POU6F2: variants seen among roughly 807,000 people sequenced by gnomAD.
The protein encoded by POU6F2 is POU class 6 homeobox 2.
POU6F2 carries 31 observed loss-of-function variants against 71.3 expected under a neutral mutation model. That is an observed-to-expected ratio of 0.43 (90% CI 0.33 to 0.59). POU6F2 has a LOEUF of 0.59. Ranked by LOEUF, POU6F2 falls within the 20% of genes least tolerant of loss-of-function variation. The pLI, the probability that POU6F2 is intolerant of heterozygous loss-of-function variation, is 0.04. For synonymous variants in POU6F2, 347 were observed against 355.7 expected (o/e 0.98, Z 0.27); for missense variants, 783 against 856.8 (o/e 0.91, Z 1.07).
intron 6 of POU6F2, among the ~76,000 whole-genome samples, chr7:39,410,578 A>C (rs868332819): frequency 6.6e-6 from 1 of 152,182 alleles, no homozygotes; most frequent in East Asian, 1.9e-4. Context: ...AGGTTGGCCC[A>C]TAACTGGCTC....
chr7:39,424,769 C>G (rs1024213923), intron 6 of POU6F2, among the ~76,000 whole-genome samples: 6 of 151,808 alleles, frequency 4.0e-5, no homozygotes, highest in Non-Finnish European at 8.8e-5. Flanking sequence ...ATATGTAACC[C>G]CAGATACTAT....
At chr7:39,075,744 A>G (rs747624098) in intron 1 of POU6F2, among the ~76,000 whole-genome samples, 10 of 152,214 alleles carry the variant, frequency 6.6e-5, no homozygotes, top group Non-Finnish European at 1.0e-4. Context: ...CAGCTGAACA[A>G]GGAGACAGAG....
intron 2 of POU6F2, among the ~76,000 whole-genome samples, chr7:39,116,281 A>G (rs1329906296): frequency 1.3e-5 from 2 of 152,132 alleles, no homozygotes; most frequent in Non-Finnish European, 2.9e-5. Flanking sequence ...ACTGCTCAGG[A>G]GACTGAGGTG....
rs147770829 is a variant in POU6F2 at position 39,112,273 on chromosome 7, C to G, written c.277+26242C>G. Among the ~76,000 whole-genome samples, 716 of 152,236 alleles carry G rather than the reference C, an allele frequency of 4.7e-3. 4 individuals are homozygous for G. Among genetic ancestry groups the G allele is most frequent in the South Asian group, 0.018 (85 of 4,818 alleles). ...ATATGATACAGGTAACTTAAAAGTA[C>G]TACTTTTAAGTGAGCGAATTCAGGT... is the stretch of plus-strand genomic sequence containing the variant. On this transcript the variant is annotated intron_variant, in intron 2 of 9. Transcript: ENST00000518318.
In POU6F2 at chr7:39,339,780, A is replaced by C. The variant is rs1457902515; in HGVS notation, c.737A>C (p.Gln246Pro). ...PAPQAPSQSQ[Q>P]QPLQPTPPQQ... Reference sequence around the variant, plus strand: ...CCACAGGCGCCCTCGCAGTCCCAGCAGCAGCCGCTGCAGCCCACCCCACCC... The same window carrying C: ...CCACAGGCGCCCTCGCAGTCCCAGCCGCAGCCGCTGCAGCCCACCCCACCC... Residue 246 changes from glutamine to proline, a missense_variant, in exon 5 of 10, where the codon CAG becomes CCG. Gln to Pro is a moderately conservative substitution (Grantham distance 76, BLOSUM62 -1). Transcript: ENST00000518318. The C allele has an allele frequency of 1.1e-5, 17 of 1,577,040 alleles. No individual in the cohort carries two copies.
chr7:39,388,338 CAG>C (rs1786991406), intron 5 of POU6F2, among the ~76,000 whole-genome samples: 1 of 151,526 alleles, frequency 6.6e-6, no homozygotes, highest in Admixed American at 6.6e-5. Context: ...TTTTTTGAGT[CAG>C]AGTCTCACTC....
In POU6F2 at chr7:39,352,478, G is replaced by T. The variant is rs140070479; in HGVS notation, c.972+12463G>T. On this transcript the variant is annotated intron_variant, in intron 5 of 9. Coordinates refer to ENST00000518318, the MANE Select transcript of POU6F2 (RefSeq NM_001370959.1). ...GATACATGCAAAACAGTAACAAAAT[G>T]ATCCTTAAAATGTAGAGGCCATACA... Among the ~76,000 whole-genome samples, 635 of 152,268 alleles carry T rather than the reference G, an allele frequency of 4.2e-3. 4 individuals carry two copies. Among genetic ancestry groups the T allele is most frequent in the African/African-American group, 0.014 (581 of 41,560 alleles).
At chr7:39,226,803 G>T (rs1178494870) in intron 4 of POU6F2, among the ~76,000 whole-genome samples, 1 of 152,108 alleles carries the variant, frequency 6.6e-6, no homozygotes, top group Non-Finnish European at 1.5e-5. Flanking sequence ...GAAAGGCCAA[G>T]ACTCTTCCTT....
At chr7:39,342,968 G>T (rs1583539193) in intron 5 of POU6F2, among the ~76,000 whole-genome samples, 1 of 152,138 alleles carries the variant, frequency 6.6e-6, no homozygotes, top group Non-Finnish European at 1.5e-5. Context: ...TGATCACTCA[G>T]CATTATAGGA....
At chr7:39,340,947 T>A (rs1355450778) in intron 5 of POU6F2, among the ~76,000 whole-genome samples, 1 of 152,138 alleles carries the variant, frequency 6.6e-6, no homozygotes, top group Admixed American at 6.5e-5. Flanking sequence ...TCAGACAATC[T>A]CGTGTATTTG....
At chr7:39,226,807 C>T (rs2128749313) in intron 4 of POU6F2, among the ~76,000 whole-genome samples, 1 of 152,270 alleles carries the variant, frequency 6.6e-6, no homozygotes, top group South Asian at 2.1e-4. Context: ...GGCCAAGACT[C>T]TTCCTTTTCT....
At chr7:39,214,898 T>G (rs1794210272) in intron 4 of POU6F2, among the ~76,000 whole-genome samples, 1 of 152,180 alleles carries the variant, frequency 6.6e-6, no homozygotes, top group African/African-American at 2.4e-5. Context: ...GCTTTGCCTG[T>G]GTGTGAGCGT....
intron 1 of POU6F2, among the ~76,000 whole-genome samples, chr7:39,044,683 G>A (rs539226696): frequency 4.6e-5 from 7 of 152,102 alleles, no homozygotes; most frequent in Admixed American, 2.6e-4. Context: ...GGTTAGCACA[G>A]GATGTCGTTT....
chr7:39,042,446 T>C (rs1366661691), intron 1 of POU6F2, among the ~76,000 whole-genome samples: 1 of 151,954 alleles, frequency 6.6e-6, no homozygotes, highest in Non-Finnish European at 1.5e-5. Flanking sequence ...TCTGCTGCAG[T>C]GATCATGGAA....
chr7:39,308,827 G>A (rs1181018544), intron 4 of POU6F2, among the ~76,000 whole-genome samples: 2 of 152,148 alleles, frequency 1.3e-5, no homozygotes, highest in Non-Finnish European at 2.9e-5. Flanking sequence ...TCATCTGACT[G>A]CCCATCACTA....
intron 4 of POU6F2, among the ~76,000 whole-genome samples, chr7:39,251,174 A>G (rs1783909034): frequency 6.6e-6 from 1 of 152,222 alleles, no homozygotes; most frequent in African/African-American, 2.4e-5. Flanking sequence ...GAAAAGAGAT[A>G]TGGGCTCTAT....
chr7:39,290,379 T>G (rs565238819), intron 4 of POU6F2, among the ~76,000 whole-genome samples: 1 of 152,062 alleles, frequency 6.6e-6, no homozygotes. Context: ...CCTAGACAAG[T>G]CTCCCCACCA....
rs112424609 is a variant in POU6F2, at chr7:39,065,929, G to C, written c.106-19931G>C. Among the ~76,000 whole-genome samples, 650 of 151,660 alleles carry C rather than the reference G, an allele frequency of 4.3e-3. 2 individuals carry two copies. Among genetic ancestry groups the C allele is most frequent in the African/African-American group, 0.015 (618 of 41,470 alleles). ...CCAGAGATAAAAAAATATTGAAAAG[G>C]ACTGGAATAATTTTATAAGCCAATT... On this transcript the variant is annotated intron_variant, in intron 1 of 9. Coordinates refer to ENST00000518318, the MANE Select transcript of POU6F2 (RefSeq NM_001370959.1).
chr7:39,273,474 G>A (rs942103266), intron 4 of POU6F2, among the ~76,000 whole-genome samples: 2 of 152,162 alleles, frequency 1.3e-5, no homozygotes, highest in African/African-American at 4.8e-5. Context: ...AGATGGAGGG[G>A]CATTCTACAG....
Sources: allele counts gnomAD v4.1 joint callset (sites outside exome capture counted in the v4.1 genomes callset), GRCh38; gene constraint gnomAD v4.1.1; transcripts MANE v1.5; gene names NCBI Gene and HGNC (gene_info 2026-07-23, HGNC 2026-07-21).